The following PDE1C variants were observed in gnomAD, a reference collection of about 807,000 sequenced individuals.
PDE1C encodes the protein phosphodiesterase 1C.
Under a neutral mutation model 93.1 loss-of-function variants are expected in PDE1C, and 62 were observed. The observed-to-expected ratio is 0.67, with a 90% CI of 0.54 to 0.82. The LOEUF (loss-of-function observed/expected upper bound fraction) is 0.82, where lower values mean the gene tolerates loss of function less well. Ranked by LOEUF, PDE1C falls within the 40% of genes least tolerant of loss-of-function variation. The pLI, the probability that PDE1C is intolerant of heterozygous loss-of-function variation, is 0.00. For missense variants in PDE1C, 742 were observed against 884.6 expected (o/e 0.84, Z 2.04); for synonymous variants, 325 against 310.1 (o/e 1.05, Z -0.50).
At chr7:32,016,578 G>A (rs1223642797) in intron 2 of PDE1C, among the ~76,000 whole-genome samples, 2 of 152,250 alleles carry the variant, frequency 1.3e-5, no homozygotes, top group East Asian at 3.9e-4. Flanking sequence ...TCAGAACATT[G>A]TTTATAAATG....
chr7:32,233,724 AATT>A (rs1807871678), intron 1 of PDE1C, among the ~76,000 whole-genome samples: 1 of 152,122 alleles, frequency 6.6e-6, no homozygotes, highest in Admixed American at 6.5e-5. Context: ...ATAACTCCAC[AATT>A]TTAGCTGGAG....
the PDE1C span, among the ~76,000 whole-genome samples, chr7:31,708,864 A>G: frequency 6.6e-6 from 1 of 152,084 alleles, no homozygotes; most frequent in African/African-American, 2.4e-5. Context: ...TAATGATCTC[A>G]CCTTTTTTAT....
At chr7:32,366,672 A>G (rs959770593) in intron 1 of PDE1C, among the ~76,000 whole-genome samples, 19 of 152,132 alleles carry the variant, frequency 1.2e-4, no homozygotes, top group African/African-American at 4.3e-4. Context: ...GCAGGAAAAA[A>G]AGTGTCAAGT....
chr7:31,760,844 A>T (rs79424958), intron 17 of PDE1C, among the ~76,000 whole-genome samples: 2,924 of 152,120 alleles, frequency 0.019, 40 homozygotes, highest in Non-Finnish European at 0.031. Flanking sequence ...ATTTATTGCC[A>T]CTTAAATGTT....
chr7:31,839,271 T>C (rs1360861752), intron 9 of PDE1C, among the ~76,000 whole-genome samples: 1 of 150,688 alleles, frequency 6.6e-6, no homozygotes, highest in East Asian at 1.9e-4. Context: ...TATACACACA[T>C]TATTTTAAAA....
intron 3 of PDE1C, among the ~76,000 whole-genome samples, chr7:32,083,309 T>C (rs1372988680): frequency 1.3e-5 from 2 of 150,418 alleles, no homozygotes; most frequent in African/African-American, 4.9e-5. Context: ...GAAAAAAGAA[T>C]AAAAAGAAAT....
Position 31,995,504 on chromosome 7 carries a change from A to T in PDE1C, c.128+56050T>A, listed in dbSNP as rs537287922. 5.9e-5 allele frequency among the ~76,000 whole-genome samples: 9 copies of T among 152,328 alleles called. No homozygotes were observed. The South Asian group carries it at 1.9e-3, about 32-fold the overall frequency. ...ATCCATTTAACACTAAACCATTTTT[A>T]AAATTATGTTTAAAATTACAACATA... On this transcript the variant is annotated intron_variant, in intron 2 of 17. Coordinates refer to ENST00000396191, the MANE Select transcript of PDE1C (RefSeq NM_001191057.4).
chr7:31,730,577 T>C, the PDE1C span, among the ~76,000 whole-genome samples: 1 of 152,362 alleles, frequency 6.6e-6, no homozygotes, highest in South Asian at 2.1e-4. Context: ...CTCAGTTAAA[T>C]AAACATTTAC....
At chr7:32,023,471 T>G (rs2128618321) in intron 2 of PDE1C, among the ~76,000 whole-genome samples, 1 of 152,212 alleles carries the variant, frequency 6.6e-6, no homozygotes, top group South Asian at 2.1e-4. Flanking sequence ...ACACAGGAAC[T>G]TGTACACAAA....
chr7:32,172,417 C>G (rs1302564954), intron 2 of PDE1C, among the ~76,000 whole-genome samples: 1 of 152,018 alleles, frequency 6.6e-6, no homozygotes, highest in Non-Finnish European at 1.5e-5. Context: ...AAGACACTTA[C>G]ATGGCCACCA....
intron 9 of PDE1C, among the ~76,000 whole-genome samples, chr7:31,839,649 T>C (rs1791593558): frequency 6.6e-6 from 1 of 152,342 alleles, no homozygotes. Flanking sequence ...TGGGTATTCA[T>C]ACATAAATCT....
chr7:31,779,379 G>C (rs1783231808), intron 16 of PDE1C, among the ~76,000 whole-genome samples: 1 of 152,178 alleles, frequency 6.6e-6, no homozygotes, highest in Non-Finnish European at 1.5e-5. Context: ...TCATAGAAAT[G>C]CTTGGTGGAA....
intron 3 of PDE1C, among the ~76,000 whole-genome samples, chr7:32,099,713 T>G (rs1797950871): frequency 1.3e-5 from 2 of 152,322 alleles, no homozygotes; most frequent in Admixed American, 1.3e-4. Flanking sequence ...TTACGTTTCC[T>G]AGACTATAAT....
chr7:32,386,850 G>A (rs1343837837), intron 1 of PDE1C, among the ~76,000 whole-genome samples: 1 of 152,094 alleles, frequency 6.6e-6, no homozygotes. Context: ...CCCTCTTACT[G>A]CAGTGTCTAA....
intron 16 of PDE1C, among the ~76,000 whole-genome samples, chr7:31,778,265 A>G (rs976558664): frequency 1.3e-5 from 2 of 152,182 alleles, no homozygotes; most frequent in African/African-American, 4.8e-5. Context: ...GTGTGCAACA[A>G]ATAGGCCCCA....
At chr7:32,152,973 A>G (rs1801351398) in intron 3 of PDE1C, among the ~76,000 whole-genome samples, 1 of 152,210 alleles carries the variant, frequency 6.6e-6, no homozygotes, top group African/African-American at 2.4e-5. Flanking sequence ...TCAGCAGTCT[A>G]CAGGGCATGC....
intron 12 of PDE1C, among the ~76,000 whole-genome samples, chr7:31,826,852 T>C (rs1225301591): frequency 1.3e-5 from 2 of 152,200 alleles, no homozygotes; most frequent in Admixed American, 1.3e-4. Flanking sequence ...AAGGACCAGA[T>C]AGTTATTTTA....
intron 3 of PDE1C, among the ~76,000 whole-genome samples, chr7:32,105,122 G>A (rs1466990555): frequency 6.6e-6 from 1 of 152,224 alleles, no homozygotes; most frequent in Non-Finnish European, 1.5e-5. Flanking sequence ...CAACGGGATA[G>A]TGGGAAATGG....
chr7:31,943,291 G>A (rs1806097634), intron 2 of PDE1C, among the ~76,000 whole-genome samples: 1 of 152,142 alleles, frequency 6.6e-6, no homozygotes, highest in South Asian at 2.1e-4. Flanking sequence ...AAGGATATGT[G>A]AGGTATAGCC....
Sources: allele counts gnomAD v4.1 joint callset (sites outside exome capture counted in the v4.1 genomes callset), GRCh38; gene constraint gnomAD v4.1.1; transcripts MANE v1.5; gene names NCBI Gene and HGNC (gene_info 2026-07-23, HGNC 2026-07-21).